CLASP2: variants seen among roughly 807,000 people sequenced by gnomAD.
The protein encoded by CLASP2 is cytoplasmic linker associated protein 2, also known as CLIP-associating protein 2.
CLASP2 carries 47 observed loss-of-function variants against 194.4 expected under a neutral mutation model. That is an observed-to-expected ratio of 0.24 (90% CI 0.19 to 0.31). The LOEUF is 0.31. CLASP2 is among the 10% of genes least tolerant of loss of function. CLASP2 has a pLI of 1.00. For missense variants in CLASP2, 1,445 were observed against 1,823.6 expected, an observed-to-expected ratio of 0.79 and a Z score of 3.78; for synonymous variants, 619 against 633.5, an observed-to-expected ratio of 0.98 and a Z score of 0.34.
intron 37 of CLASP2, among the ~76,000 whole-genome samples, chr3:33,507,605 C>T (rs528342811): frequency 6.6e-6 from 1 of 152,122 alleles, no homozygotes; most frequent in South Asian, 2.1e-4. Context: ...CTTCAGCCCC[C>T]CAAGTAGCTG....
chr3:33,684,286 T>C (rs968745159), intron 6 of CLASP2, 73 bp downstream of exon 6: 3 of 773,272 alleles, frequency 3.9e-6, no homozygotes, highest in Admixed American at 5.6e-5. Context: ...TACATTGAAA[T>C]ACACAAATAA....
chr3:33,688,687 T>C (rs1005297140), intron 3 of CLASP2, among the ~76,000 whole-genome samples: 6 of 152,218 alleles, frequency 3.9e-5, no homozygotes, highest in Non-Finnish European at 8.8e-5. Flanking sequence ...TTAAGAAACC[T>C]TCAATAACAA....
intron 36 of CLASP2, among the ~76,000 whole-genome samples, chr3:33,515,093 G>A (rs1427671870): frequency 2.0e-5 from 3 of 152,024 alleles, no homozygotes; most frequent in Non-Finnish European, 2.9e-5. Context: ...TGGGGTGAGG[G>A]ATAAAAGACT....
At chr3:33,663,197 CA>C (rs60671856) in intron 7 of CLASP2, among the ~76,000 whole-genome samples, 60,001 of 100,692 alleles carry the variant, frequency 0.6, 15,135 homozygotes, top group South Asian at 0.69. Flanking sequence ...GCAGTATCAC[CA>C]AAAAAAAAAA....
intron 32 of CLASP2, among the ~76,000 whole-genome samples, chr3:33,542,433 CAT>C (rs1480678069): frequency 6.8e-6 from 1 of 147,534 alleles, no homozygotes; most frequent in Middle Eastern, 3.5e-3. Context: ...ACAGACAAAA[CAT>C]AAAAATAACA....
intron 23 of CLASP2, chr3:33,577,073 A>T: frequency 2.5e-6 from 2 of 790,512 alleles, no homozygotes; most frequent in South Asian, 3.9e-5. Context: ...AAAAAAGTTT[A>T]TTCTCCAACA....
intron 8 of CLASP2, among the ~76,000 whole-genome samples, chr3:33,636,072 T>C (rs898041823): frequency 6.6e-6 from 1 of 151,996 alleles, no homozygotes; most frequent in Non-Finnish European, 1.5e-5. Flanking sequence ...AAGAAGTAAA[T>C]AGCAATTAGA....
chr3:33,681,214 A>G (rs1464965040), intron 6 of CLASP2, among the ~76,000 whole-genome samples: 1 of 152,156 alleles, frequency 6.6e-6, no homozygotes, highest in African/African-American at 2.4e-5. Context: ...ACAAATACAT[A>G]TGTTAACATC....
intron 34 of CLASP2, among the ~76,000 whole-genome samples, chr3:33,528,069 C>T (rs571778429): frequency 3.7e-4 from 56 of 152,288 alleles, no homozygotes; most frequent in Middle Eastern, 3.4e-3. Flanking sequence ...CCGAATCCAG[C>T]AGGACATCAA....
intron 32 of CLASP2, among the ~76,000 whole-genome samples, chr3:33,539,565 C>T (rs994654214): frequency 1.3e-5 from 2 of 152,108 alleles, no homozygotes; most frequent in Admixed American, 1.3e-4. Context: ...GAACTCCTGA[C>T]CTCAGGTGAT....
In CLASP2 at chr3:33,592,480, T is replaced by G; in HGVS notation, c.1983A>C (p.Lys661Asn). The G allele has an allele frequency of 6.2e-7, 1 of 1,613,422 alleles. No homozygotes were observed. Residue 661 changes from lysine to asparagine, a missense_variant, in exon 21 of 39, where the codon AAA (lysine) becomes AAC (asparagine). By Grantham distance (94) the Lys-to-Asn change is moderately conservative (BLOSUM62 0). Transcript: ENST00000682230. Reference sequence around the variant, plus strand: ...CCATGCCAGCAAGTGGTGCTGAAAGTTTTGCTCTCACCCGGCCTGAGAAAT... The same window carrying G: ...CCATGCCAGCAAGTGGTGCTGAAAGGTTTGCTCTCACCCGGCCTGAGAAAT... The part of the protein sequence containing the change: ...TASEDGRVRA[K>N]LSAPLAGMGN...
rs1395896595 is a variant in CLASP2, at chr3:33,718,178, A to G, written c.-176T>C. 2.6e-5 allele frequency: 12 copies of G among 467,640 alleles called. No homozygotes were observed. In the East Asian group the frequency reaches 3.8e-4, roughly 15 times the overall value. The allele number at this position is 467,640 out of a possible 1,614,324, so 29.0% of individuals were successfully genotyped here. ...AACGCCAAGCGCCCAGCCGCCCCCAAACTAGTCAAACTCGGCGCCCCCCGA... is the reference window on the plus strand; with the variant it reads ...AACGCCAAGCGCCCAGCCGCCCCCAGACTAGTCAAACTCGGCGCCCCCCGA... On this transcript the variant is annotated 5_prime_UTR_variant, in exon 1 of 39. Coordinates refer to ENST00000682230, the MANE Select transcript of CLASP2 (RefSeq NM_001365631.1).
chr3:33,560,802 T>C lies in CLASP2; in HGVS notation c.2930+6A>G, dbSNP rs781703081. 6.2e-7 allele frequency: 1 copy of C among 1,610,988 alleles called. No individual in the cohort carries two copies. Among genetic ancestry groups the C allele is most frequent in the Admixed American group, 1.7e-5 (1 of 59,324 alleles). On this transcript the variant is annotated splice_donor_region_variant and intron_variant, in intron 28 of 38. Coordinates refer to ENST00000682230, the MANE Select transcript of CLASP2 (RefSeq NM_001365631.1). ...GTTAACTTGAAATATATGAAAAAAATATTACCTTGTAACATCAAGGGCTTT... is the reference window on the plus strand; with the variant it reads ...GTTAACTTGAAATATATGAAAAAAACATTACCTTGTAACATCAAGGGCTTT...
At chr3:33,593,629 A>C (rs1254721677) in intron 20 of CLASP2, among the ~76,000 whole-genome samples, 1 of 152,172 alleles carries the variant, frequency 6.6e-6, no homozygotes, top group Non-Finnish European at 1.5e-5. Context: ...CAAGGCCCCT[A>C]ATGAGCCCAT....
At chr3:33,623,144 A>ATG (rs2154281309) in intron 10 of CLASP2, among the ~76,000 whole-genome samples, 1 of 152,336 alleles carries the variant, frequency 6.6e-6, no homozygotes, top group East Asian at 1.9e-4. Flanking sequence ...ATGAATACAT[A>ATG]ATAGTTGTAC....
intron 34 of CLASP2, among the ~76,000 whole-genome samples, chr3:33,531,442 GATGCTCAGC>G (rs1411863549): frequency 6.6e-6 from 1 of 152,162 alleles, no homozygotes; most frequent in Non-Finnish European, 1.5e-5. Context: ...CACAGGAAAA[GATGCTCAGC>G]ATTACTAATC....
At chr3:33,549,172 T>C (rs1210600483) in intron 30 of CLASP2, among the ~76,000 whole-genome samples, 2 of 152,242 alleles carry the variant, frequency 1.3e-5, no homozygotes, top group African/African-American at 4.8e-5. Context: ...TTTGTTGATC[T>C]TTCCAAAGAA....
chr3:33,604,274 A>G, intron 16 of CLASP2, 65 bp from the exon 17 acceptor site: 1 of 1,014,546 alleles, frequency 9.9e-7, no homozygotes. Flanking sequence ...AAAAACCAAT[A>G]AAATACTACT....
At chr3:33,704,304 G>A (rs9839283) in intron 1 of CLASP2, among the ~76,000 whole-genome samples, 4,353 of 152,244 alleles carry the variant, frequency 0.029, 207 homozygotes, top group African/African-American at 0.098. Flanking sequence ...TGACAGTGGA[G>A]GAGGCTGTGC....
Sources: gnomAD v4.1 joint callset for allele counts (sites outside exome capture counted in the v4.1 genomes callset) on GRCh38, gnomAD v4.1.1 for gene constraint, MANE v1.5 for transcripts, NCBI Gene and HGNC (gene_info 2026-07-23, HGNC 2026-07-21) for gene names.